Variants in PRDM16 observed in about 807,000 individuals in gnomAD.
PRDM16 encodes PR/SET domain 16.
In PRDM16, 23 loss-of-function variants were observed where a neutral mutation model predicts 110.6. That is an observed-to-expected ratio of 0.21 (90% CI 0.15 to 0.29). The LOEUF (loss-of-function observed/expected upper bound fraction) is 0.29. Among genes scored for constraint, PRDM16 ranks in the 10% least tolerant of loss-of-function variants. The pLI is 1.00. For missense variants in PRDM16, 1,615 were observed against 1,794.3 expected (o/e 0.90, Z 1.81); for synonymous variants, 799 against 781.8 (o/e 1.02, Z -0.37).
intron 3 of PRDM16, among the ~76,000 whole-genome samples, chr1:3,325,042 C>A (rs558348235): frequency 1.7e-4 from 26 of 152,174 alleles, no homozygotes; most frequent in Admixed American, 6.5e-4. Context: ...CTCTGAACTC[C>A]GCCAACCACC....
At chr1:3,183,044 G>A (rs1644229442) in intron 1 of PRDM16, among the ~76,000 whole-genome samples, 1 of 152,358 alleles carries the variant, frequency 6.6e-6, no homozygotes, top group Admixed American at 6.5e-5. Context: ...AATAAAGGAT[G>A]TCAGGTCTCC....
At chr1:3,302,468 G>A (rs1468686570) in intron 3 of PRDM16, among the ~76,000 whole-genome samples, 3 of 151,732 alleles carry the variant, frequency 2.0e-5, no homozygotes, top group African/African-American at 4.8e-5. Context: ...ATTCAGGGTT[G>A]CCCCAAAGTA....
In PRDM16 at chr1:3,246,183, G is replaced by A. The variant is rs1216510189; in HGVS notation, c.438+2046G>A. Among the ~76,000 whole-genome samples the A allele has an allele frequency of 6.6e-6, 1 of 152,172 alleles. No individual in the cohort carries two copies. ...TCTGGGCCACGGTGGGTTTGCCTTT[G>A]TGTCTTATATGTGTGGCCATTAGGT... On this transcript the variant is annotated intron_variant, in intron 3 of 16. Transcript: ENST00000270722. The surrounding 1 kb of genome is among the most constrained non-coding windows in gnomAD (Gnocchi z 5.2).
chr1:3,254,346 A>G (rs1569933896), intron 3 of PRDM16, among the ~76,000 whole-genome samples: 5 of 152,244 alleles, frequency 3.3e-5, no homozygotes, highest in African/African-American at 7.2e-5. Flanking sequence ...AGGGTATTCA[A>G]TTAGGAAAAG....
At chr1:3,415,649 G>A (rs1032657586) in intron 10 of PRDM16, among the ~76,000 whole-genome samples, 3 of 152,248 alleles carry the variant, frequency 2.0e-5, no homozygotes, top group South Asian at 2.1e-4. Flanking sequence ...CTGATCGGGC[G>A]GAGCAAGCCG....
At chr1:3,337,777 G>A (rs1572038) in intron 3 of PRDM16, among the ~76,000 whole-genome samples, 50,304 of 152,082 alleles carry the variant, frequency 0.33, 8,758 homozygotes, top group East Asian at 0.56. Context: ...CTGGCTGACC[G>A]GCATTTCCAC....
chr1:3,338,773 G>A (rs60466882), intron 3 of PRDM16, among the ~76,000 whole-genome samples: 5,254 of 152,320 alleles, frequency 0.034, 314 homozygotes, highest in African/African-American at 0.12. Flanking sequence ...CTGAGCACAG[G>A]CCAGGCCAGG....
At chr1:3,105,157 C>T (rs866676993) in intron 1 of PRDM16, among the ~76,000 whole-genome samples, 10 of 152,194 alleles carry the variant, frequency 6.6e-5, no homozygotes, top group Middle Eastern at 3.2e-3. Context: ...ACGATGGCCA[C>T]AGGCTCCTCA....
At chr1:3,331,237 T>C (rs1339204457) in intron 3 of PRDM16, among the ~76,000 whole-genome samples, 1 of 151,990 alleles carries the variant, frequency 6.6e-6, no homozygotes, top group East Asian at 1.9e-4. Flanking sequence ...ACTTCTCCAC[T>C]GCCCCTTCCC....
chr1:3,433,441 ACACT>A (rs1340357537), intron 16 of PRDM16, among the ~76,000 whole-genome samples: 2 of 151,804 alleles, frequency 1.3e-5, no homozygotes, highest in Non-Finnish European at 2.9e-5. Context: ...TCCTGCCCAC[ACACT>A]CACCTGCCTG....
chr1:3,118,864 G>T (rs186504293), intron 1 of PRDM16, among the ~76,000 whole-genome samples: 1 of 152,368 alleles, frequency 6.6e-6, no homozygotes, highest in Non-Finnish European at 1.5e-5. Context: ...AGGGCCCGAG[G>T]CACCTCTGTG....
At chr1:3,114,355 T>C (rs565994335) in intron 1 of PRDM16, among the ~76,000 whole-genome samples, 320 of 108,698 alleles carry the variant, frequency 2.9e-3, no homozygotes, top group African/African-American at 8.6e-3. Context: ...CATGCACACA[T>C]GCACACACGC....
At chr1:3,158,422 T>C (rs1185640803) in intron 1 of PRDM16, among the ~76,000 whole-genome samples, 1 of 152,232 alleles carries the variant, frequency 6.6e-6, no homozygotes, top group African/African-American at 2.4e-5. Flanking sequence ...TTTAAAATAA[T>C]TTTAAAACAA....
chr1:3,313,950 G>A (rs1195947921), intron 3 of PRDM16, among the ~76,000 whole-genome samples: 2 of 152,164 alleles, frequency 1.3e-5, no homozygotes, highest in Non-Finnish European at 2.9e-5. Flanking sequence ...GAAAACATCA[G>A]TTGGTTGCAG....
At chr1:3,156,049 A>G (rs1361184579) in intron 1 of PRDM16, among the ~76,000 whole-genome samples, 2 of 152,274 alleles carry the variant, frequency 1.3e-5, no homozygotes, top group African/African-American at 4.8e-5. Context: ...CAGCTCTGTC[A>G]TAATCCAGGA....
intron 1 of PRDM16, among the ~76,000 whole-genome samples, chr1:3,129,069 C>T (rs968877393): frequency 2.6e-5 from 4 of 151,928 alleles, no homozygotes; most frequent in Non-Finnish European, 4.4e-5. Context: ...TGGGGGGTTG[C>T]GTGTGCATGT....
In PRDM16 at chr1:3,201,488, G is replaced by T. The variant is rs555057411; in HGVS notation, c.387+15014G>T. The stretch of plus-strand genomic sequence containing the variant: ...CAGGGCCCAGCCTCCTGCTCACTGG[G>T]ATATTCCCTCATGAGACCTGGGCCC... On this transcript the variant is annotated intron_variant, in intron 2 of 16. Transcript: ENST00000270722. The surrounding 1 kb of genome is among the most constrained non-coding windows in gnomAD (Gnocchi z 4.1). 3.3e-4 allele frequency among the ~76,000 whole-genome samples: 51 copies of T among 152,290 alleles called. No homozygotes were observed. The highest frequency in any genetic ancestry group is 5.9e-4 in the Non-Finnish European group (40 of 68,022).
intron 3 of PRDM16, among the ~76,000 whole-genome samples, chr1:3,284,562 A>G (rs1640804637): frequency 6.6e-6 from 1 of 152,184 alleles, no homozygotes; most frequent in Non-Finnish European, 1.5e-5. Context: ...AGGACCTGCC[A>G]GCAGCCAGAG....
chr1:3,421,507 A>G (rs1371697446), intron 12 of PRDM16, among the ~76,000 whole-genome samples: 3 of 152,232 alleles, frequency 2.0e-5, no homozygotes, highest in African/African-American at 7.2e-5. Flanking sequence ...AGCTGCTCGG[A>G]GAACTCTGCT....
Sources: allele counts gnomAD v4.1 joint callset (sites outside exome capture counted in the v4.1 genomes callset), GRCh38; gene constraint gnomAD v4.1.1; non-coding constraint Gnocchi (gnomAD v3.1); transcripts MANE v1.5; gene names NCBI Gene and HGNC (gene_info 2026-07-23, HGNC 2026-07-21).